COBL: variants seen among roughly 807,000 people sequenced by gnomAD.
COBL encodes the protein cordon-bleu WH2 repeat protein, also known as protein cordon-bleu.
In COBL, 51 loss-of-function variants were observed where a neutral mutation model predicts 98.8. The observed-to-expected ratio is 0.52, with a 90% confidence interval of 0.41 to 0.65. The LOEUF (loss-of-function observed/expected upper bound fraction) is 0.65, where lower values mean the gene tolerates loss of function less well. Among genes scored for constraint, COBL ranks in the 30% least tolerant of loss-of-function variants. The pLI, the probability that COBL is intolerant of heterozygous loss-of-function variation, is 0.00. For synonymous variants in COBL, 634 were observed against 651.7 expected (o/e 0.97, Z 0.41); for missense variants, 1,617 against 1,617.5 (o/e 1.00, Z 0.01).
At chr7:51,236,946 G>C (rs1298622688) in intron 1 of COBL, among the ~76,000 whole-genome samples, 1 of 152,196 alleles carries the variant, frequency 6.6e-6, no homozygotes, top group Non-Finnish European at 1.5e-5. Context: ...AGCTTGACAG[G>C]GCTGTGTGGG....
intron 1 of COBL, among the ~76,000 whole-genome samples, chr7:51,229,164 A>G (rs1281595358): frequency 1.3e-5 from 2 of 152,212 alleles, no homozygotes; most frequent in Admixed American, 1.3e-4. Context: ...TCCCTGGACG[A>G]GGAGTGCAGA....
chr7:51,100,410 T>G (rs963505867), intron 6 of COBL, among the ~76,000 whole-genome samples: 13 of 152,206 alleles, frequency 8.5e-5, no homozygotes, highest in Non-Finnish European at 1.9e-4. Context: ...ATTCACACAA[T>G]CTACCAGGTT....
rs1802441167 is a variant in COBL at position 51,306,015 on chromosome 7, G to A, written c.41+10578C>T. 2.6e-5 allele frequency among the ~76,000 whole-genome samples: 4 copies of A among 152,080 alleles called. No individual in the cohort carries two copies. In the South Asian group the frequency reaches 6.2e-4, roughly 24 times the overall value. The stretch of plus-strand genomic sequence containing the variant: ...CGCATCACTGCACTCCAGCCCAGGC[G>A]ACAGAGCAGCAAGACTCTGTCTTGG... On this transcript the variant is annotated intron_variant, in intron 1 of 12. Coordinates refer to ENST00000265136, the MANE Select transcript of COBL (RefSeq NM_015198.5).
chr7:51,271,469 C>T (rs753322761), intron 1 of COBL, among the ~76,000 whole-genome samples: 8 of 152,192 alleles, frequency 5.3e-5, no homozygotes, highest in East Asian at 1.9e-4. Context: ...ACGTCAGTCA[C>T]GGTTAACTGC....
intron 1 of COBL, among the ~76,000 whole-genome samples, chr7:51,267,032 G>T (rs558867394): frequency 1.3e-5 from 2 of 152,110 alleles, no homozygotes; most frequent in East Asian, 1.9e-4. Context: ...AACCCAAAAG[G>T]TATCAAAGAT....
chr7:51,022,710 A>T (rs930908749), intron 12 of COBL: 4 of 152,044 alleles, frequency 2.6e-5, no homozygotes, highest in African/African-American at 9.7e-5. Context: ...GCCCTTCATG[A>T]CTCTGCACAA....
At chr7:51,121,859 T>A (rs1797765468) in intron 6 of COBL, among the ~76,000 whole-genome samples, 1 of 152,268 alleles carries the variant, frequency 6.6e-6, no homozygotes, top group South Asian at 2.1e-4. Context: ...GAACTCACTC[T>A]TCCAGCAGTT....
In COBL at chr7:51,028,787, A is replaced by G; in HGVS notation, c.2309T>C (p.Phe770Ser). 1 of 1,614,174 alleles carries G rather than the reference A, an allele frequency of 6.2e-7. No homozygotes were observed. The highest frequency in any genetic ancestry group is 2.2e-5 in the East Asian group (1 of 44,866). The change falls in exon 10 of 13, where the codon TTC (phenylalanine) becomes TCC (serine). Residue 770 changes from phenylalanine to serine, a missense_variant. By Grantham distance (155) the Phe-to-Ser change is radical. This residue lies in a region of COBL where 1,304 missense variants were observed against 1,282.0 expected (regional missense o/e 1.02). Transcript: ENST00000265136. ...ESQPIGKVRE[F>S]WRCNSVEKHL... ...TTTTTCCACAGAGTTGCACCTCCAGAACTCTCTGACTTTCCCAATGGGCTG... is the reference window on the plus strand; with the variant it reads ...TTTTTCCACAGAGTTGCACCTCCAGGACTCTCTGACTTTCCCAATGGGCTG...
At chr7:51,158,021 G>A (rs561534677) in intron 5 of COBL, among the ~76,000 whole-genome samples, 2 of 152,282 alleles carry the variant, frequency 1.3e-5, no homozygotes, top group East Asian at 3.9e-4. Context: ...TTTTAAAAGG[G>A]TTGCTGCCCC....
chr7:51,289,750 T>C (rs1800713169), intron 1 of COBL, among the ~76,000 whole-genome samples: 1 of 152,250 alleles, frequency 6.6e-6, no homozygotes, highest in African/African-American at 2.4e-5. Flanking sequence ...TACCTTTCAG[T>C]GCCAAAAACA....
Position 51,028,964 on chromosome 7 carries a change from A to G in COBL, c.2132T>C (p.Ile711Thr), listed in dbSNP as rs756282124. 64 of 1,614,040 alleles carry G rather than the reference A, an allele frequency of 4.0e-5. No homozygotes were observed. The South Asian group carries it at 6.9e-4, about 17-fold the overall frequency. ...LKHGLTTYKI[I>T]PPKSEMRCYD... ...ACATCGCATCTCTGACTTTGGAGGA[A>G]TGATTTTATACGTTGTGAGGCCGTG... The change falls in exon 10 of 13, where the codon ATT becomes ACT. Residue 711 changes from isoleucine to threonine, a missense_variant. Around this residue, in one of 3 missense-constraint regions of COBL, gnomAD observed 1,304 missense variants for 1,282.0 expected, o/e 1.02. Transcript: ENST00000265136.
At chr7:51,210,003 C>T (rs1313305304) in intron 2 of COBL, among the ~76,000 whole-genome samples, 1 of 152,182 alleles carries the variant, frequency 6.6e-6, no homozygotes, top group African/African-American at 2.4e-5. Context: ...ATGATCCCAC[C>T]TGGCCACGGC....
intron 8 of COBL, chr7:51,033,454 T>C (rs1213329877): frequency 6.6e-6 from 1 of 152,236 alleles, no homozygotes; most frequent in African/African-American, 2.4e-5. Context: ...TGATGATCAT[T>C]AAGTCTATGT....
chr7:51,208,561 T>A (rs1792058390), intron 2 of COBL, among the ~76,000 whole-genome samples: 1 of 152,164 alleles, frequency 6.6e-6, no homozygotes, highest in Non-Finnish European at 1.5e-5. Context: ...CTGGGAGGCG[T>A]GCCCAGCGGC....
chr7:51,196,132 A>G (rs28833255), intron 2 of COBL, among the ~76,000 whole-genome samples: 19,247 of 152,040 alleles, frequency 0.13, 1,712 homozygotes, highest in African/African-American at 0.25. Flanking sequence ...TTGGCTGTGA[A>G]TTTGTCATAT....
intron 5 of COBL, among the ~76,000 whole-genome samples, chr7:51,149,823 C>G (rs532292435): frequency 2.0e-5 from 3 of 152,136 alleles, no homozygotes; most frequent in Admixed American, 2.0e-4. Flanking sequence ...TAAATAGCAC[C>G]TTTGTTGGCC....
At chr7:51,164,512 T>C (rs935189105) in intron 5 of COBL, among the ~76,000 whole-genome samples, 1 of 152,160 alleles carries the variant, frequency 6.6e-6, no homozygotes, top group Non-Finnish European at 1.5e-5. Context: ...TAGAATAGTA[T>C]ATTCGGCGAA....
intron 1 of COBL, among the ~76,000 whole-genome samples, chr7:51,295,895 T>C (rs1437186761): frequency 6.6e-6 from 1 of 152,228 alleles, no homozygotes. Flanking sequence ...TAAGCTACTA[T>C]TTACATAAGC....
intron 2 of COBL, among the ~76,000 whole-genome samples, chr7:51,194,021 G>A (rs1790369099): frequency 6.6e-6 from 1 of 152,042 alleles, no homozygotes; most frequent in African/African-American, 2.4e-5. Context: ...TGTGTCATGG[G>A]GGCTTGTTGT....
Sources: gnomAD v4.1 joint callset for allele counts (sites outside exome capture counted in the v4.1 genomes callset) on GRCh38, gnomAD v4.1.1 for gene constraint, gnomAD v4.1.1 regional missense constraint, MANE v1.5 for transcripts, NCBI Gene and HGNC (gene_info 2026-07-23, HGNC 2026-07-21) for gene names.